The following EMC3 variants were observed in gnomAD, a reference collection of about 807,000 sequenced individuals.
EMC3 encodes the protein 30 kDa protein.
In EMC3, 13 loss-of-function variants were observed where a neutral mutation model predicts 36.6. The ratio of observed to expected loss-of-function variants is 0.35; its 90% CI spans 0.23 to 0.56. The LOEUF (loss-of-function observed/expected upper bound fraction) is 0.56, where lower values mean the gene tolerates loss of function less well. Among genes scored for constraint, EMC3 ranks in the 20% least tolerant of loss-of-function variants. The probability of loss-of-function intolerance (pLI) is 0.84; values close to 1 mark genes in which losing one functional copy is unlikely to be tolerated. For synonymous variants in EMC3, 120 were observed against 111.9 expected (o/e 1.07, Z -0.46); for missense variants, 220 against 324.5 (o/e 0.68, Z 2.47).
intron 7 of EMC3, among the ~76,000 whole-genome samples, chr3:9,966,917 A>G (rs1246135818): frequency 6.6e-6 from 1 of 152,218 alleles, no homozygotes; most frequent in Non-Finnish European, 1.5e-5. Flanking sequence ...GTAACATAAC[A>G]TACACCACTT....
At chr3:9,972,867 C>T (rs1178530577) in intron 5 of EMC3, among the ~76,000 whole-genome samples, 5 of 148,456 alleles carry the variant, frequency 3.4e-5, no homozygotes, top group Admixed American at 6.7e-5. Context: ...CTCACTCTGT[C>T]GCCCAGGCTG....
upstream of EMC3, chr3:9,986,987 G>C (rs1222446705): frequency 2.7e-6 from 3 of 1,096,182 alleles, no homozygotes; most frequent in South Asian, 2.7e-5. Flanking sequence ...AGGCCAAGGT[G>C]GGGGGATCAC....
intron 5 of EMC3, 150 bp downstream of exon 5, chr3:9,973,478 G>A (rs1040132531): frequency 1.5e-6 from 1 of 654,216 alleles, no homozygotes; most frequent in Non-Finnish European, 2.7e-6. Context: ...ACAGTCGTGA[G>A]CCACTGCGCC....
chr3:9,968,986 A>AT (rs898350814), intron 7 of EMC3: 44 of 149,672 alleles, frequency 2.9e-4, no homozygotes, highest in African/African-American at 8.3e-4. Context: ...TGCCCAGCAA[A>AT]TTTTTTTTTT....
intron 1 of EMC3, chr3:9,981,783 C>A: frequency 2.3e-6 from 1 of 429,302 alleles, no homozygotes; most frequent in South Asian, 1.7e-5. Flanking sequence ...ACTTCTCAAA[C>A]CAGAGTTCCA....
In EMC3 at chr3:9,971,698, G is replaced by T. The variant is rs149898290; in HGVS notation, c.495-1037C>A. Among the ~76,000 whole-genome samples, 389 of 152,292 alleles carry T rather than the reference G, an allele frequency of 2.6e-3. 1 individual carries two copies. Among genetic ancestry groups the T allele is most frequent in the African/African-American group, 9.1e-3 (378 of 41,552 alleles). On this transcript the variant is annotated intron_variant, in intron 5 of 7. Coordinates refer to ENST00000245046, the MANE Select transcript of EMC3 (RefSeq NM_001394674.1). Reference sequence around the variant, plus strand: ...CCCAATGAGACTGAAGGTAAAAGTAGAATAGACTCATGCTACTCATATAAT... The same window carrying T: ...CCCAATGAGACTGAAGGTAAAAGTATAATAGACTCATGCTACTCATATAAT...
At chr3:10,002,367 C>T (rs940948269) in intron 1 of EMC3, among the ~76,000 whole-genome samples, 1 of 150,764 alleles carries the variant, frequency 6.6e-6, no homozygotes, top group African/African-American at 2.4e-5. Context: ...TGGCTCACTG[C>T]AGCCTTGACC....
At chr3:9,997,635 T>C in intron 1 of EMC3, among the ~76,000 whole-genome samples, 1 of 151,998 alleles carries the variant, frequency 6.6e-6, no homozygotes, top group East Asian at 1.9e-4. Flanking sequence ...AATTTTTGTA[T>C]TTTTAGTCGA....
upstream of EMC3, among the ~76,000 whole-genome samples, chr3:9,989,052 G>A (rs1480920658): frequency 2.0e-5 from 3 of 152,094 alleles, no homozygotes; most frequent in Admixed American, 6.6e-5. Context: ...ATGAGATGAA[G>A]AAAATAACCA....
chr3:9,991,512 G>GGGT (rs907753995), upstream of EMC3, among the ~76,000 whole-genome samples: 1 of 152,116 alleles, frequency 6.6e-6, no homozygotes, highest in Non-Finnish European at 1.5e-5. Flanking sequence ...CTATGATTAT[G>GGGT]GGTGGTGGTG....
chr3:9,997,897 G>T (rs549431482), intron 1 of EMC3, among the ~76,000 whole-genome samples: 1 of 151,988 alleles, frequency 6.6e-6, no homozygotes, highest in Admixed American at 6.6e-5. Flanking sequence ...CCCTGTTTTC[G>T]GTTCTTTAGG....
At chr3:9,987,263 C>G, upstream of EMC3, 1 of 984,750 alleles carries the variant, frequency 1.0e-6, no homozygotes, top group Non-Finnish European at 1.2e-6. Context: ...GACGGCTTCT[C>G]GGTGAGTAAA....
At position 9,969,489 on chromosome 3, in the gene EMC3, G is replaced by C. The variant is rs540298923; in HGVS notation, c.657+230C>G. ...TATTTTACAGCATCATTGATAGTGT[G>C]GATTAAATTCCAGTGAGCATTTAAA... is the stretch of plus-strand genomic sequence containing the variant. On this transcript the variant is annotated intron_variant, in intron 7 of 7. Coordinates refer to ENST00000245046, the MANE Select transcript of EMC3 (RefSeq NM_001394674.1). 1.1e-5 allele frequency: 15 copies of C among 1,416,504 alleles called. No homozygotes were observed. The South Asian group carries it at 1.3e-4, about 12-fold the overall frequency. 87.7% of individuals were successfully genotyped at this position (1,416,504 alleles called of 1,614,324 possible).
At chr3:9,993,119 G>A (rs970520836) in intron 1 of EMC3, 20 of 700,012 alleles carry the variant, frequency 2.9e-5, no homozygotes, top group Non-Finnish European at 4.5e-5. Flanking sequence ...TGAAATTTTT[G>A]AATTTTATTT....
At chr3:10,002,061 C>G (rs181266637) in intron 1 of EMC3, among the ~76,000 whole-genome samples, 4 of 144,616 alleles carry the variant, frequency 2.8e-5, no homozygotes, top group Admixed American at 2.7e-4. Context: ...TGCTCTTTTT[C>G]AAGGTTTTGG....
chr3:9,988,300 C>T, upstream of EMC3: 1 of 720,080 alleles, frequency 1.4e-6, no homozygotes. Context: ...GGCTACTAAG[C>T]AGGAATTCAC....
At chr3:9,980,555 T>G (rs971613029) in intron 1 of EMC3, among the ~76,000 whole-genome samples, 4 of 90,640 alleles carry the variant, frequency 4.4e-5, no homozygotes, top group Non-Finnish European at 9.4e-5. Flanking sequence ...GTTTTTTTTG[T>G]TTTTTTTTTT....
At chr3:9,974,352 G>C in intron 4 of EMC3, 32 bp downstream of exon 4, 1 of 1,451,498 alleles carries the variant, frequency 6.9e-7, no homozygotes, top group African/African-American at 1.4e-5. Context: ...ATTTCTCTGG[G>C]TAACATGAAG....
At chr3:9,993,220 C>T (rs553088712) in intron 1 of EMC3, among the ~76,000 whole-genome samples, 20 of 152,264 alleles carry the variant, frequency 1.3e-4, no homozygotes, top group African/African-American at 4.6e-4. Flanking sequence ...CTTATAAAAA[C>T]CTTGAGGGGA....
Sources: allele counts gnomAD v4.1 joint callset (sites outside exome capture counted in the v4.1 genomes callset), GRCh38; gene constraint gnomAD v4.1.1; transcripts MANE v1.5; gene names NCBI Gene and HGNC (gene_info 2026-07-23, HGNC 2026-07-21).